The following SAMD5 variants were observed in gnomAD, a reference collection of about 807,000 sequenced individuals.
SAMD5 encodes sterile alpha motif domain containing 5.
In SAMD5, 13 loss-of-function variants were observed where a neutral mutation model predicts 11.3. The ratio of observed to expected loss-of-function variants is 1.15; its 90% confidence interval spans 0.75 to 1.83. The LOEUF is 1.83. Ranked by LOEUF, SAMD5 falls within the 40% of genes most tolerant of loss-of-function variation. The pLI, the probability that SAMD5 is intolerant of heterozygous loss-of-function variation, is 0.00. For synonymous variants in SAMD5, 129 were observed against 111.3 expected, an observed-to-expected ratio of 1.16 and a Z score of -1.00; for missense variants, 255 against 239.1, an observed-to-expected ratio of 1.07 and a Z score of -0.44.
At chr6:147,684,770 C>G (rs1043439957) in intron 1 of SAMD5, among the ~76,000 whole-genome samples, 2 of 152,122 alleles carry the variant, frequency 1.3e-5, no homozygotes, top group Admixed American at 6.5e-5. Context: ...TAAAAATTAT[C>G]ATGTAAAATG....
At chr6:147,629,718 T>C (rs914020452) in intron 1 of SAMD5, among the ~76,000 whole-genome samples, 9 of 152,218 alleles carry the variant, frequency 5.9e-5, no homozygotes, top group African/African-American at 1.7e-4. Flanking sequence ...TCTTTCATTT[T>C]ACATGGACTG....
intron 1 of SAMD5, among the ~76,000 whole-genome samples, chr6:147,620,200 C>T (rs1789938520): frequency 6.6e-6 from 1 of 152,154 alleles, no homozygotes; most frequent in Admixed American, 6.5e-5. Context: ...CCACCACCCA[C>T]TCTCCACGCC....
At chr6:147,806,943 A>G in the SAMD5 span, among the ~76,000 whole-genome samples, 4 of 152,162 alleles carry the variant, frequency 2.6e-5, no homozygotes, top group East Asian at 3.9e-4. Flanking sequence ...ATGAGAGGAC[A>G]CAGTGAGAAG....
chr6:147,638,981 G>A (rs190220912), intron 1 of SAMD5, among the ~76,000 whole-genome samples: 76 of 152,230 alleles, frequency 5.0e-4, no homozygotes, highest in African/African-American at 1.8e-3. Flanking sequence ...CAATGAGATC[G>A]AAAAGTTAGG....
chr6:147,910,079 A>T, the SAMD5 span, among the ~76,000 whole-genome samples: 1 of 152,062 alleles, frequency 6.6e-6, no homozygotes, highest in Non-Finnish European at 1.5e-5. Context: ...TTATCATCTA[A>T]TCCCTCAAGA....
chr6:147,712,944 T>A (rs542747231), intron 1 of SAMD5, among the ~76,000 whole-genome samples: 1 of 152,212 alleles, frequency 6.6e-6, no homozygotes, highest in Non-Finnish European at 1.5e-5. Flanking sequence ...TCCATTTTTA[T>A]AAACTATTAT....
At chr6:147,709,711 G>C (rs911832624) in intron 1 of SAMD5, among the ~76,000 whole-genome samples, 2 of 152,202 alleles carry the variant, frequency 1.3e-5, no homozygotes, top group African/African-American at 4.8e-5. Flanking sequence ...AGTGGAAAAA[G>C]TGATAAGCTT....
At chr6:147,634,114 A>T (rs545270721) in intron 1 of SAMD5, among the ~76,000 whole-genome samples, 1 of 152,296 alleles carries the variant, frequency 6.6e-6, no homozygotes, top group South Asian at 2.1e-4. Flanking sequence ...TATTTCACTT[A>T]GCATAATATG....
In SAMD5 at chr6:147,541,704, G is replaced by A. The variant is rs150253834; in HGVS notation, c.460-22690G>A. 1.6e-3 allele frequency among the ~76,000 whole-genome samples: 237 copies of A among 152,246 alleles called. 5 individuals are homozygous for A. In the East Asian group the frequency reaches 0.039, roughly 25 times the overall value. On this transcript the variant is annotated intron_variant, in intron 1 of 1. Coordinates refer to ENST00000367474, the MANE Select transcript of SAMD5 (RefSeq NM_001030060.3). ...CACATATACAAACACACACAAAGACGAGACAGACAGAAGGCCTTCCAAATC... is the reference window on the plus strand; with the variant it reads ...CACATATACAAACACACACAAAGACAAGACAGACAGAAGGCCTTCCAAATC...
At chr6:147,669,107 C>T (rs894474544) in intron 1 of SAMD5, among the ~76,000 whole-genome samples, 1 of 152,068 alleles carries the variant, frequency 6.6e-6, no homozygotes, top group African/African-American at 2.4e-5. Context: ...AAATTTGCCA[C>T]ATCAATGGAC....
At chr6:147,838,975 G>C in the SAMD5 span, among the ~76,000 whole-genome samples, 1 of 152,204 alleles carries the variant, frequency 6.6e-6, no homozygotes. Context: ...ATAAATCACA[G>C]TTTTTGGTAT....
chr6:147,865,169 G>A, the SAMD5 span, among the ~76,000 whole-genome samples: 1 of 152,156 alleles, frequency 6.6e-6, no homozygotes, highest in African/African-American at 2.4e-5. Flanking sequence ...AGAATCAGTG[G>A]CAGGTATGTC....
intron 1 of SAMD5, among the ~76,000 whole-genome samples, chr6:147,528,853 T>C (rs2128440901): frequency 6.6e-6 from 1 of 152,328 alleles, no homozygotes; most frequent in South Asian, 2.1e-4. Flanking sequence ...ACTGCACATT[T>C]GCATGGCATT....
the SAMD5 span, among the ~76,000 whole-genome samples, chr6:147,844,792 C>T: frequency 1.3e-5 from 2 of 151,886 alleles, no homozygotes; most frequent in Non-Finnish European, 2.9e-5. Flanking sequence ...TTATGTGAAT[C>T]TGAAAAAGAT....
chr6:147,839,512 G>T, the SAMD5 span, among the ~76,000 whole-genome samples: 11 of 152,174 alleles, frequency 7.2e-5, no homozygotes, highest in Non-Finnish European at 1.2e-4. Flanking sequence ...ATTTTGGGGG[G>T]GCTGAGGCAG....
intron 1 of SAMD5, among the ~76,000 whole-genome samples, chr6:147,516,703 C>T (rs1321918431): frequency 6.6e-6 from 1 of 152,212 alleles, no homozygotes; most frequent in Admixed American, 6.5e-5. Flanking sequence ...CCAGCAAAGG[C>T]TTTAAACAGC....
chr6:147,681,996 T>C lies in SAMD5; in HGVS notation c.163-55321T>C, dbSNP rs185319373. Among the ~76,000 whole-genome samples the C allele has an allele frequency of 2.7e-3, 409 of 152,280 alleles. 3 individuals are homozygous for C. Among genetic ancestry groups the C allele is most frequent in the South Asian group, 0.02 (95 of 4,820 alleles). The stretch of plus-strand genomic sequence containing the variant: ...GTAACATACATGTACTAATCAGTAC[T>C]TAGCTGACAGTGCATGAAGACCCTC... On this transcript the variant is annotated intron_variant, in intron 1 of 1. Transcript: ENST00000566741.
chr6:147,730,774 C>T (rs1197938337), intron 1 of SAMD5, among the ~76,000 whole-genome samples: 1 of 151,996 alleles, frequency 6.6e-6, no homozygotes, highest in African/African-American at 2.4e-5. Flanking sequence ...CAGAGACAAC[C>T]AGGAGTTTTA....
At chr6:147,527,250 A>C (rs1583068834) in intron 1 of SAMD5, among the ~76,000 whole-genome samples, 1 of 152,180 alleles carries the variant, frequency 6.6e-6, no homozygotes, top group Non-Finnish European at 1.5e-5. Context: ...TTGGTTCTAC[A>C]GGCTGTACAG....
Sources: allele counts gnomAD v4.1 joint callset (sites outside exome capture counted in the v4.1 genomes callset), GRCh38; gene constraint gnomAD v4.1.1; transcripts MANE v1.5; gene names NCBI Gene and HGNC (gene_info 2026-07-23, HGNC 2026-07-21).